TRIM24: variants seen among roughly 807,000 people sequenced by gnomAD.
TRIM24 encodes the protein tripartite motif containing 24, also known as transcription intermediary factor 1-alpha.
Under a neutral mutation model 123.9 loss-of-function variants are expected in TRIM24, and 29 were observed. The ratio of observed to expected loss-of-function variants is 0.23; its 90% CI spans 0.17 to 0.32. The LOEUF (loss-of-function observed/expected upper bound fraction) is 0.32, where lower values mean the gene tolerates loss of function less well. Ranked by LOEUF, TRIM24 falls within the 10% of genes least tolerant of loss-of-function variation. The pLI, the probability that TRIM24 is intolerant of heterozygous loss-of-function variation, is 1.00. For missense variants in TRIM24, 932 were observed against 1,295.3 expected, an observed-to-expected ratio of 0.72 and a Z score of 4.31; for synonymous variants, 456 against 461.1, an observed-to-expected ratio of 0.99 and a Z score of 0.14.
At chr7:138,487,735 G>T (rs1038101251) in intron 1 of TRIM24, among the ~76,000 whole-genome samples, 3 of 152,120 alleles carry the variant, frequency 2.0e-5, no homozygotes, top group South Asian at 2.1e-4. Context: ...TATGCTGCCG[G>T]ATTTGGTTTG....
At chr7:138,584,393 C>T (rs1797969437) in intron 18 of TRIM24, among the ~76,000 whole-genome samples, 1 of 152,154 alleles carries the variant, frequency 6.6e-6, no homozygotes, top group Non-Finnish European at 1.5e-5. Context: ...CCTTTTGCTG[C>T]TGGTGGTTTG....
At chr7:138,490,265 A>G (rs1438319148) in intron 1 of TRIM24, among the ~76,000 whole-genome samples, 1 of 152,004 alleles carries the variant, frequency 6.6e-6, no homozygotes, top group East Asian at 1.9e-4. Context: ...TCTTTTTTCA[A>G]GGTTTTTAGC....
intron 11 of TRIM24, among the ~76,000 whole-genome samples, chr7:138,571,446 A>G (rs571787948): frequency 1.3e-5 from 2 of 152,342 alleles, no homozygotes; most frequent in African/African-American, 4.8e-5. Flanking sequence ...TGGACACATA[A>G]TCTAATGTCT....
In TRIM24 at chr7:138,563,889, A is replaced by G. The variant is rs902129159; in HGVS notation, c.1531-3592A>G. On this transcript the variant is annotated intron_variant, in intron 9 of 18. Transcript: ENST00000343526. ...TACTGTAATTGGACTGCATGATTTG[A>G]ATCCCAGTGGGGGTCTGCTTCTGGA... 5.9e-5 allele frequency among the ~76,000 whole-genome samples: 9 copies of G among 152,278 alleles called. No homozygotes were observed. In the East Asian group the frequency reaches 1.5e-3, roughly 26 times the overall value.
chr7:138,474,826 GCTGTTGAGT>G (rs1445107568), intron 1 of TRIM24, among the ~76,000 whole-genome samples: 2 of 152,094 alleles, frequency 1.3e-5, no homozygotes, highest in Admixed American at 1.3e-4. Context: ...CTAATATCAT[GCTGTTGAGT>G]CTGTATTAAA....
chr7:138,540,386 C>T (rs1458682417), intron 7 of TRIM24, among the ~76,000 whole-genome samples: 1 of 152,154 alleles, frequency 6.6e-6, no homozygotes, highest in Non-Finnish European at 1.5e-5. Context: ...GCGGTATCAC[C>T]TAAGTTTATG....
In TRIM24 at chr7:138,519,169, G is replaced by C. The variant is rs1466740967; in HGVS notation, c.632-20G>C. On this transcript the variant is annotated intron_variant, in intron 3 of 18. Transcript: ENST00000343526. Reference sequence around the variant, plus strand: ...CAATTATGTTAATTTTCTTCTCTTTGTCTCCCATTGTTTCTGCAGAGGCAG... The same window carrying C: ...CAATTATGTTAATTTTCTTCTCTTTCTCTCCCATTGTTTCTGCAGAGGCAG... 6.2e-7 allele frequency: 1 copy of C among 1,613,602 alleles called. No homozygotes were observed. The highest frequency in any genetic ancestry group is 2.2e-5 in the East Asian group (1 of 44,866).
rs202047925 is a variant in TRIM24 at position 138,528,783 on chromosome 7, A to AC, written c.882-322dup. Among the ~76,000 whole-genome samples, 603 of 80,410 alleles carry AC rather than the reference A, an allele frequency of 7.5e-3. 3 individuals carry two copies. Among genetic ancestry groups the AC allele is most frequent in the East Asian group, 9.5e-3 (19 of 2,008 alleles). The allele number at this position is 80,410 out of a possible 152,430, so 52.8% of individuals were successfully genotyped here. ...TATAAATCCTTTTTGGTCCACCCCCACCCCCCCCCCCATCCTTTTAGGTAG... is the reference window on the plus strand; with the variant it reads ...TATAAATCCTTTTTGGTCCACCCCCACCCCCCCCCCCCATCCTTTTAGGTAG... On this transcript the variant is annotated intron_variant, in intron 5 of 18. Transcript: ENST00000343526.
In TRIM24 at chr7:138,585,595, ATTTTTG is replaced by A. The variant is rs879061297; in HGVS notation, c.*656_*661del. On this transcript the variant is annotated 3_prime_UTR_variant, in exon 19 of 19. Coordinates refer to ENST00000343526, the MANE Select transcript of TRIM24 (RefSeq NM_015905.3). ...GAAAAATCCGGAAAACAAATGTTTG[ATTTTTG>A]TTTTTGTTTTTATCTTGTCTGTAGA... 124 of 320,696 alleles carry A rather than the reference ATTTTTG, an allele frequency of 3.9e-4. 2 individuals are homozygous for A. The highest frequency in any genetic ancestry group is 3.4e-3 in the South Asian group (116 of 33,832). 19.9% of individuals were successfully genotyped at this position (320,696 alleles called of 1,614,324 possible). A position where few individuals can be genotyped will look rare whatever the true frequency, so the allele number is the denominator to read the frequency against.
chr7:138,584,903 C>T lies in TRIM24; in HGVS notation c.3105C>T (p.Pro1035=). ...SDDSDDDFVQ[P]RKKRLKSIEE... Reference sequence around the variant, plus strand: ...ATTCAGATGATGACTTTGTACAGCCCCGGAAGAAACGCCTCAAAAGCATTG... The same window carrying T: ...ATTCAGATGATGACTTTGTACAGCCTCGGAAGAAACGCCTCAAAAGCATTG... Residue 1035 remains proline (P), a synonymous_variant, in exon 19 of 19, where the codon CCC becomes CCT. Transcript: ENST00000343526. 6.2e-7 allele frequency: 1 copy of T among 1,613,226 alleles called. No individual in the cohort carries two copies.
chr7:138,583,362 G>A (rs1310465843), intron 17 of TRIM24, among the ~76,000 whole-genome samples: 6 of 152,210 alleles, frequency 3.9e-5, no homozygotes, highest in African/African-American at 1.4e-4. Context: ...GCTCACGCCT[G>A]TAATCCCAAC....
rs1488028123 is a variant in TRIM24 at position 138,585,505 on chromosome 7, G to T, written c.*554G>T. ...AGGAGGCCAAACGGTGCAACAGAAGGGTAGGTTAGATGCTATTAAGAAGGC... is the reference window on the plus strand; with the variant it reads ...AGGAGGCCAAACGGTGCAACAGAAGTGTAGGTTAGATGCTATTAAGAAGGC... On this transcript the variant is annotated 3_prime_UTR_variant, in exon 19 of 19. Coordinates refer to ENST00000343526, the MANE Select transcript of TRIM24 (RefSeq NM_015905.3). 2 of 317,848 alleles carry T rather than the reference G, an allele frequency of 6.3e-6. No homozygotes were observed. Among genetic ancestry groups the T allele is most frequent in the Non-Finnish European group, 1.2e-5 (2 of 168,158 alleles). 19.7% of individuals were successfully genotyped at this position (317,848 alleles called of 1,614,324 possible).
chr7:138,571,997 C>G (rs1038027957), intron 11 of TRIM24, among the ~76,000 whole-genome samples: 2 of 152,232 alleles, frequency 1.3e-5, no homozygotes, highest in East Asian at 1.9e-4. Flanking sequence ...CATATACATA[C>G]GCACCTAATG....
chr7:138,525,076 T>C (rs561798494), intron 4 of TRIM24, among the ~76,000 whole-genome samples, 165 bp from the exon 5 acceptor site: 1 of 152,140 alleles, frequency 6.6e-6, no homozygotes, highest in Non-Finnish European at 1.5e-5. Flanking sequence ...GAGGGATAAT[T>C]TGAGAGGTGA....
At chr7:138,472,991 T>A (rs1413929006) in intron 1 of TRIM24, among the ~76,000 whole-genome samples, 1 of 152,130 alleles carries the variant, frequency 6.6e-6, no homozygotes, top group Non-Finnish European at 1.5e-5. Context: ...TAATAATTCC[T>A]TATGTTGGCT....
At chr7:138,499,625 AG>A (rs1234187844) in intron 1 of TRIM24, among the ~76,000 whole-genome samples, 1 of 152,186 alleles carries the variant, frequency 6.6e-6, no homozygotes, top group Non-Finnish European at 1.5e-5. Flanking sequence ...AGGGAATGAC[AG>A]GAACAGAAAC....
chr7:138,488,794 C>T lies in TRIM24; in HGVS notation c.365-15496C>T, dbSNP rs1379867183. 2.6e-5 allele frequency among the ~76,000 whole-genome samples: 4 copies of T among 152,042 alleles called. No individual in the cohort carries two copies. The South Asian group carries it at 8.3e-4, about 32-fold the overall frequency. ...TATGTGGTCAGTTTTGGAATAACTG[C>T]AGTGTGGTGCTGAGAAGAATGTATA... is the stretch of plus-strand genomic sequence containing the variant. On this transcript the variant is annotated intron_variant, in intron 1 of 18. Transcript: ENST00000343526.
Position 138,589,173 on chromosome 7 carries a change from G to C in TRIM24, c.*4222G>C, listed in dbSNP as rs1584754960. The stretch of plus-strand genomic sequence containing the variant: ...TAAATGTTTATTGCATATTCATCTT[G>C]AATGTGAATTTACTGTTGTAATTCA... On this transcript the variant is annotated 3_prime_UTR_variant, in exon 19 of 19. Transcript: ENST00000343526. 1 of 152,022 alleles carries C rather than the reference G, an allele frequency of 6.6e-6. No individual in the cohort carries two copies. The highest frequency in any genetic ancestry group is 2.4e-5 in the African/African-American group (1 of 41,372). 9.4% of individuals were successfully genotyped at this position (152,022 alleles called of 1,614,324 possible).
intron 2 of TRIM24, among the ~76,000 whole-genome samples, chr7:138,510,399 G>A (rs965442162): frequency 6.6e-6 from 1 of 152,016 alleles, no homozygotes; most frequent in Non-Finnish European, 1.5e-5. Flanking sequence ...ATGTGTGTGT[G>A]TGGTTTTTTT....
Sources: allele counts gnomAD v4.1 joint callset (sites outside exome capture counted in the v4.1 genomes callset), GRCh38; gene constraint gnomAD v4.1.1; transcripts MANE v1.5; gene names NCBI Gene and HGNC (gene_info 2026-07-23, HGNC 2026-07-21).